Variants in LRIG3 observed in about 807,000 individuals in gnomAD.
LRIG3 encodes leucine rich repeats and immunoglobulin like domains 3.
LRIG3 carries 76 observed loss-of-function variants against 114.5 expected under a neutral mutation model. The observed-to-expected ratio is 0.66, with a 90% CI of 0.55 to 0.80. The LOEUF (loss-of-function observed/expected upper bound fraction) is 0.80. Ranked by LOEUF, LRIG3 falls within the 30% of genes least tolerant of loss-of-function variation. The pLI is 0.00. For missense variants in LRIG3, 1,239 were observed against 1,382.8 expected (o/e 0.90, Z 1.65); for synonymous variants, 512 against 519.8 (o/e 0.98, Z 0.20).
At chr12:58,910,927 A>G (rs2120978253) in intron 3 of LRIG3, among the ~76,000 whole-genome samples, 1 of 152,192 alleles carries the variant, frequency 6.6e-6, no homozygotes, top group Non-Finnish European at 1.5e-5. Flanking sequence ...AGAAAAATCA[A>G]CTCCCTCATG....
intron 1 of LRIG3, among the ~76,000 whole-genome samples, chr12:58,918,355 C>T (rs1282770808): frequency 2.0e-5 from 3 of 152,112 alleles, no homozygotes; most frequent in African/African-American, 4.8e-5. Context: ...AAATAGGTAT[C>T]GAACCCCTTT....
chr12:58,903,256 C>T (rs200836550), intron 3 of LRIG3, among the ~76,000 whole-genome samples: 29 of 152,244 alleles, frequency 1.9e-4, no homozygotes, highest in East Asian at 1.5e-3. Flanking sequence ...TTTTAATGAT[C>T]GCCATTCTAA....
intron 10 of LRIG3, among the ~76,000 whole-genome samples, chr12:58,884,187 G>T (rs1397692448): frequency 6.6e-6 from 1 of 152,148 alleles, no homozygotes; most frequent in Non-Finnish European, 1.5e-5. Context: ...TAACATAAAC[G>T]CAGTAAGATG....
chr12:58,900,589 A>G (rs1871809836), intron 3 of LRIG3, among the ~76,000 whole-genome samples: 1 of 152,180 alleles, frequency 6.6e-6, no homozygotes, highest in Non-Finnish European at 1.5e-5. Context: ...TTAAGTTACT[A>G]TAGTCTGTTT....
rs536244834 is a variant in LRIG3 at position 58,914,551 on chromosome 12, T to C, written c.237-215A>G. Reference sequence around the variant, plus strand: ...GGGAGACTGGCAGATTCAAATACTTTAAGCCCACAAATGTTTTAAGAGATG... The same window carrying C: ...GGGAGACTGGCAGATTCAAATACTTCAAGCCCACAAATGTTTTAAGAGATG... On this transcript the variant is annotated intron_variant, in intron 1 of 18. Coordinates refer to ENST00000320743, the MANE Select transcript of LRIG3 (RefSeq NM_153377.5). The C allele has an allele frequency of 7.7e-6, 4 of 519,224 alleles. No homozygotes were observed. The Admixed American group carries it at 1.3e-4, about 17-fold the overall frequency. 32.2% of individuals were successfully genotyped at this position (519,224 alleles called of 1,614,324 possible).
intron 15 of LRIG3, 42 bp from the exon 16 acceptor site, chr12:58,876,645 T>G: frequency 6.2e-7 from 1 of 1,608,068 alleles, no homozygotes; most frequent in Non-Finnish European, 8.5e-7. Flanking sequence ...AGGATGATCG[T>G]TAATTGTCCC....
chr12:58,887,270 C>T (rs746708501), intron 8 of LRIG3, among the ~76,000 whole-genome samples: 3 of 152,136 alleles, frequency 2.0e-5, no homozygotes, highest in East Asian at 3.9e-4. Context: ...CTTCAAATAG[C>T]GAACAGAGCA....
chr12:58,891,301 G>T (rs1871449149), intron 3 of LRIG3, among the ~76,000 whole-genome samples: 1 of 151,764 alleles, frequency 6.6e-6, no homozygotes, highest in Non-Finnish European at 1.5e-5. Context: ...CAGTCGGGGG[G>T]TCTCACTATG....
intron 10 of LRIG3, among the ~76,000 whole-genome samples, chr12:58,885,235 TA>T (rs1442278388): frequency 5.3e-5 from 8 of 151,940 alleles, no homozygotes; most frequent in African/African-American, 1.9e-4. Flanking sequence ...AGAACAATGG[TA>T]AGGGGGGGTT....
intron 16 of LRIG3, among the ~76,000 whole-genome samples, chr12:58,876,060 A>G (rs1870905874): frequency 6.6e-6 from 1 of 152,222 alleles, no homozygotes; most frequent in African/African-American, 2.4e-5. Flanking sequence ...TCAAATAAAT[A>G]AAAATAAATA....
intron 13 of LRIG3, among the ~76,000 whole-genome samples, chr12:58,879,835 C>T (rs1871058757): frequency 6.6e-6 from 1 of 152,184 alleles, no homozygotes; most frequent in Non-Finnish European, 1.5e-5. Flanking sequence ...CCTATTATCC[C>T]TAATTGAAAG....
intron 1 of LRIG3, among the ~76,000 whole-genome samples, chr12:58,914,867 G>A (rs1261703359): frequency 1.3e-5 from 2 of 151,988 alleles, no homozygotes; most frequent in Admixed American, 1.3e-4. Context: ...GTGTTGAGAG[G>A]GTAGAAAACA....
At chr12:58,914,202 T>C in intron 2 of LRIG3, 63 bp downstream of exon 2, 2 of 1,536,844 alleles carry the variant, frequency 1.3e-6, no homozygotes, top group Non-Finnish European at 1.8e-6. Flanking sequence ...TTCCTTACGG[T>C]TAAATAGTAT....
intron 3 of LRIG3, among the ~76,000 whole-genome samples, chr12:58,907,987 C>A: frequency 6.6e-6 from 1 of 152,190 alleles, no homozygotes; most frequent in East Asian, 1.9e-4. Flanking sequence ...GAAAAATCGC[C>A]ATCCTTGGGA....
Position 58,914,308 on chromosome 12 carries a change from T to C in LRIG3, c.265A>G (p.Ile89Val). The C allele has an allele frequency of 6.2e-7, 1 of 1,613,944 alleles. No individual in the cohort carries two copies. ...LDLSHNRLSF[I>V]KASSMSHLQS... ...AGGTGGCTCATGGAACTTGCCTTGA[T>C]GAAAGATAATCTGTTGTGACTTAAG... The change falls in exon 2 of 19, where the codon ATC (isoleucine) becomes GTC (valine). Residue 89 changes from isoleucine to valine, a missense_variant. By Grantham distance (29) the Ile-to-Val change is conservative. Transcript: ENST00000320743.
chr12:58,910,272 A>G (rs1367756250), intron 3 of LRIG3, among the ~76,000 whole-genome samples: 1 of 152,226 alleles, frequency 6.6e-6, no homozygotes, highest in East Asian at 1.9e-4. Flanking sequence ...GGCCCCACCC[A>G]AATCTACTAA....
At chr12:58,893,895 C>G (rs112733151) in intron 3 of LRIG3, among the ~76,000 whole-genome samples, 7 of 152,096 alleles carry the variant, frequency 4.6e-5, no homozygotes, top group Admixed American at 6.6e-5. Context: ...AGTATAGCTA[C>G]GCTTGTATTT....
chr12:58,912,555 C>T (rs1434401953), intron 3 of LRIG3, among the ~76,000 whole-genome samples: 1 of 152,174 alleles, frequency 6.6e-6, no homozygotes, highest in Admixed American at 6.5e-5. Context: ...CTCACAAGTT[C>T]TTAATGCTCT....
chr12:58,873,736 G>A (rs1870812933), intron 18 of LRIG3: 2 of 390,084 alleles, frequency 5.1e-6, no homozygotes, highest in Non-Finnish European at 4.7e-6. Flanking sequence ...GGCCGTGGGA[G>A]CCCAAAACCA....
Sources: gnomAD v4.1 joint callset for allele counts (sites outside exome capture counted in the v4.1 genomes callset) on GRCh38, gnomAD v4.1.1 for gene constraint, MANE v1.5 for transcripts, NCBI Gene and HGNC (gene_info 2026-07-23, HGNC 2026-07-21) for gene names.